Variants in RIN2 observed in about 807,000 individuals in gnomAD.
The protein encoded by RIN2 is Ras and Rab interactor 2.
In RIN2, 36 loss-of-function variants were observed where a neutral mutation model predicts 78.0. The ratio of observed to expected loss-of-function variants is 0.46; its 90% CI spans 0.35 to 0.61. The LOEUF is 0.61. Among genes scored for constraint, RIN2 ranks in the 20% least tolerant of loss-of-function variants. The probability of loss-of-function intolerance (pLI) is 0.00; values close to 1 mark genes in which losing one functional copy is unlikely to be tolerated. For synonymous variants in RIN2, 466 were observed against 466.8 expected (o/e 1.00, Z 0.02); for missense variants, 1,087 against 1,159.7 (o/e 0.94, Z 0.91).
intron 1 of RIN2, among the ~76,000 whole-genome samples, chr20:19,759,965 T>TG (rs1351861133): frequency 6.6e-6 from 1 of 152,234 alleles, no homozygotes; most frequent in African/African-American, 2.4e-5. Context: ...GTTTGAGAGT[T>TG]GACAGTGGCA....
intron 3 of RIN2, among the ~76,000 whole-genome samples, chr20:19,906,377 A>C (rs1357135248): frequency 1.3e-5 from 2 of 152,154 alleles, no homozygotes; most frequent in African/African-American, 4.8e-5. Context: ...TGAGCCCAGG[A>C]GGTTGAGGCT....
intron 9 of RIN2, among the ~76,000 whole-genome samples, chr20:19,976,607 A>G (rs369420042): frequency 2.6e-4 from 40 of 152,334 alleles, no homozygotes; most frequent in African/African-American, 8.7e-4. Flanking sequence ...CTTTTCTTCC[A>G]GGGTGAGAAT....
intron 1 of RIN2, among the ~76,000 whole-genome samples, chr20:19,777,763 G>A (rs903852550): frequency 2.0e-5 from 3 of 152,228 alleles, no homozygotes; most frequent in African/African-American, 7.2e-5. Context: ...GTGAAATGCT[G>A]TGAATAAACA....
intron 9 of RIN2, among the ~76,000 whole-genome samples, chr20:19,986,640 T>C (rs1198665961): frequency 6.6e-6 from 1 of 152,166 alleles, no homozygotes; most frequent in East Asian, 1.9e-4. Flanking sequence ...TTTTCTGATG[T>C]CATCATTCCC....
chr20:19,965,463 C>T (rs2041908830), intron 7 of RIN2, among the ~76,000 whole-genome samples: 2 of 152,212 alleles, frequency 1.3e-5, no homozygotes, highest in South Asian at 4.1e-4. Context: ...TCTGAAAACT[C>T]TGTAAGGGAT....
rs866886859 is a variant in RIN2, at chr20:19,853,172, G to A, written c.-36-36394G>A. On this transcript the variant is annotated intron_variant, in intron 2 of 12. Transcript: ENST00000255006. ...CTTGCGATAGTTTGCTGAGAATGAC[G>A]GTTTCCAGCTTCATCCATGTCCCTA... 5.4e-3 allele frequency among the ~76,000 whole-genome samples: 817 copies of A among 151,746 alleles called. 9 individuals are homozygous for A. The highest frequency in any genetic ancestry group is 0.018 in the African/African-American group (764 of 41,402).
At chr20:19,778,732 C>T (rs978665443) in intron 1 of RIN2, among the ~76,000 whole-genome samples, 2 of 152,068 alleles carry the variant, frequency 1.3e-5, no homozygotes, top group African/African-American at 4.8e-5. Context: ...GGGCTGGGGA[C>T]ATTTGGAGGA....
chr20:19,822,185 A>G (rs2035945901), intron 2 of RIN2, among the ~76,000 whole-genome samples: 1 of 152,146 alleles, frequency 6.6e-6, no homozygotes, highest in African/African-American at 2.4e-5. Flanking sequence ...AGACCTGCAG[A>G]CTAGAAATGG....
chr20:19,780,041 A>T (rs1251219423), intron 1 of RIN2, among the ~76,000 whole-genome samples: 3 of 152,222 alleles, frequency 2.0e-5, no homozygotes, highest in African/African-American at 4.8e-5. Context: ...ATATCTACTC[A>T]TTGTATATGA....
intron 1 of RIN2, among the ~76,000 whole-genome samples, chr20:19,770,084 G>A (rs531291275): frequency 3.2e-4 from 48 of 152,266 alleles, no homozygotes; most frequent in African/African-American, 1.1e-3. Context: ...CATGGAAGAT[G>A]GTGTAATGAA....
intron 2 of RIN2, among the ~76,000 whole-genome samples, chr20:19,828,229 T>C (rs1434838187): frequency 1.3e-5 from 2 of 152,200 alleles, no homozygotes; most frequent in African/African-American, 4.8e-5. Flanking sequence ...CACAACTGAG[T>C]TTCCCATTCC....
At chr20:19,967,517 G>C (rs191744369) in intron 7 of RIN2, among the ~76,000 whole-genome samples, 2 of 152,230 alleles carry the variant, frequency 1.3e-5, no homozygotes, top group African/African-American at 4.8e-5. Context: ...GCATGCATAT[G>C]CAAATATGCA....
chr20:19,861,713 C>T (rs1213157463), intron 2 of RIN2, among the ~76,000 whole-genome samples: 2 of 151,468 alleles, frequency 1.3e-5, no homozygotes, highest in African/African-American at 4.9e-5. Context: ...ATCTGATGAT[C>T]ATCCTCCATA....
intron 1 of RIN2, among the ~76,000 whole-genome samples, chr20:19,798,982 T>C (rs1159307767): frequency 6.6e-6 from 1 of 152,082 alleles, no homozygotes; most frequent in Non-Finnish European, 1.5e-5. Flanking sequence ...TAACTGCAAC[T>C]TCGGCCTCCT....
chr20:19,919,803 AAAAAT>A (rs1406486627), intron 3 of RIN2, among the ~76,000 whole-genome samples: 2 of 152,024 alleles, frequency 1.3e-5, no homozygotes, highest in Non-Finnish European at 2.9e-5. Context: ...TCAGAAAATA[AAAAAT>A]AAAATAAATA....
chr20:19,846,208 C>T (rs780877404), intron 2 of RIN2, among the ~76,000 whole-genome samples: 52 of 152,210 alleles, frequency 3.4e-4, no homozygotes, highest in African/African-American at 7.2e-4. Context: ...CTTGGCTATA[C>T]GGGCTCTTTT....
In RIN2 at chr20:19,896,379, G is replaced by A. The variant is rs189571753; in HGVS notation, c.57+6721G>A. Among the ~76,000 whole-genome samples, 33 of 152,196 alleles carry A rather than the reference G, an allele frequency of 2.2e-4. No individual in the cohort carries two copies. In the East Asian group the frequency reaches 4.1e-3, roughly 19 times the overall value. ...AATTTTTTGTATTTTTAGTAGAGGCGGGGTTTCTCCACGTTGGCCAGGCTG... is the reference window on the plus strand; with the variant it reads ...AATTTTTTGTATTTTTAGTAGAGGCAGGGTTTCTCCACGTTGGCCAGGCTG... On this transcript the variant is annotated intron_variant, in intron 3 of 12. Transcript: ENST00000255006.
intron 1 of RIN2, among the ~76,000 whole-genome samples, chr20:19,780,021 T>C (rs1411152264): frequency 2.0e-5 from 3 of 152,194 alleles, no homozygotes; most frequent in Non-Finnish European, 4.4e-5. Flanking sequence ...TATTTCTGAT[T>C]ATAAAGACAA....
intron 2 of RIN2, among the ~76,000 whole-genome samples, chr20:19,854,222 C>A (rs2037087207): frequency 6.6e-6 from 1 of 152,138 alleles, no homozygotes; most frequent in South Asian, 2.1e-4. Flanking sequence ...GGGCTCTGTT[C>A]TGTTCCATTG....
Sources: gnomAD v4.1 joint callset for allele counts (sites outside exome capture counted in the v4.1 genomes callset) on GRCh38, gnomAD v4.1.1 for gene constraint, MANE v1.5 for transcripts, NCBI Gene and HGNC (gene_info 2026-07-23, HGNC 2026-07-21) for gene names.